Variants in STK10 observed in about 807,000 individuals in gnomAD.
STK10 encodes serine/threonine kinase 10.
In STK10, 78 loss-of-function variants were observed where a neutral mutation model predicts 113.8. The observed-to-expected ratio is 0.69, with a 90% CI of 0.57 to 0.83. The LOEUF (loss-of-function observed/expected upper bound fraction) is 0.83, where lower values mean the gene tolerates loss of function less well. Ranked by LOEUF, STK10 falls within the 40% of genes least tolerant of loss-of-function variation. STK10 has a pLI of 0.00. For synonymous variants in STK10, 465 were observed against 494.7 expected (o/e 0.94, Z 0.80); for missense variants, 1,109 against 1,280.1 (o/e 0.87, Z 2.04).
In STK10 at chr5:172,167,702, G is replaced by C. The variant is rs1450633052; in HGVS notation, c.157-10914C>G. 2.0e-5 allele frequency among the ~76,000 whole-genome samples: 3 copies of C among 152,170 alleles called. No individual in the cohort carries two copies. The East Asian group carries it at 5.8e-4, about 29-fold the overall frequency. ...CCGCACGTGGCTATTTAAATTAATA[G>C]ATATGAAGCAAAAATTTAGTTCCTC... On this transcript the variant is annotated intron_variant, in intron 1 of 18. Coordinates refer to ENST00000176763, the MANE Select transcript of STK10 (RefSeq NM_005990.4).
At position 172,127,397 on chromosome 5, in the gene STK10, C is replaced by T. The variant is rs1448196770; in HGVS notation, c.346G>A (p.Gly116Arg). The change falls in exon 3 of 19, where the codon GGA becomes AGA. Residue 116 changes from glycine to arginine, a missense_variant. By Grantham distance (125) the Gly-to-Arg change is moderately radical (BLOSUM62 -2). Transcript: ENST00000176763. The part of the protein sequence containing the change: ...LWIMIEFCPG[G>R]AVDAIMLELD... ...CCCAGCATGATGGCGTCCACGGCTC[C>T]CCCTGGACAGAACTCAATCATGATC... 1.2e-6 allele frequency: 2 copies of T among 1,613,906 alleles called. No homozygotes were observed. The highest frequency in any genetic ancestry group is 1.7e-6 in the Non-Finnish European group (2 of 1,179,862).
At chr5:172,060,524 C>A (rs1767909611) in intron 14 of STK10, among the ~76,000 whole-genome samples, 1 of 152,214 alleles carries the variant, frequency 6.6e-6, no homozygotes, top group South Asian at 2.1e-4. Context: ...GAGAAGGTGC[C>A]ATCTATGAAG....
At chr5:172,075,175 GAA>G (rs76527234) in intron 12 of STK10, among the ~76,000 whole-genome samples, 1 of 103,546 alleles carries the variant, frequency 9.7e-6, no homozygotes. Context: ...GTCAAAAAAA[GAA>G]AAAAAAAAAA....
chr5:172,151,726 G>C (rs1561827637), intron 2 of STK10, among the ~76,000 whole-genome samples: 1 of 152,228 alleles, frequency 6.6e-6, no homozygotes, highest in African/African-American at 2.4e-5. Flanking sequence ...ATGTAGACTG[G>C]AGGCTCCATG....
intron 4 of STK10, among the ~76,000 whole-genome samples, chr5:172,116,497 G>C (rs906613066): frequency 1.3e-5 from 2 of 152,230 alleles, no homozygotes; most frequent in Non-Finnish European, 2.9e-5. Context: ...GGAGACACGT[G>C]AGGGGATGAC....
intron 4 of STK10, among the ~76,000 whole-genome samples, chr5:172,116,184 G>A (rs1240679328): frequency 2.6e-5 from 4 of 152,154 alleles, no homozygotes; most frequent in African/African-American, 9.7e-5. Context: ...GGGTTCAAGC[G>A]ATTCTCCTGT....
At chr5:172,099,721 C>G (rs562426792) in intron 7 of STK10, among the ~76,000 whole-genome samples, 30 of 152,134 alleles carry the variant, frequency 2.0e-4, no homozygotes, top group Non-Finnish European at 3.1e-4. Flanking sequence ...CCACACTGCG[C>G]AATCTAACAC....
chr5:172,054,428 G>T, intron 17 of STK10, 141 bp downstream of exon 17: 1 of 1,268,044 alleles, frequency 7.9e-7, no homozygotes, highest in Non-Finnish European at 1.1e-6. Flanking sequence ...AGAGCAGCAT[G>T]GCAGGGCTGG....
At chr5:172,119,751 C>A (rs569784964) in intron 3 of STK10, among the ~76,000 whole-genome samples, 1 of 145,374 alleles carries the variant, frequency 6.9e-6, no homozygotes, top group Non-Finnish European at 1.5e-5. Context: ...GTAGTCCCAG[C>A]TACTCGGGAG....
intron 4 of STK10, among the ~76,000 whole-genome samples, chr5:172,108,576 A>T (rs1416870820): frequency 6.7e-6 from 1 of 148,836 alleles, no homozygotes; most frequent in Non-Finnish European, 1.5e-5. Context: ...CAATCGCACC[A>T]CTGCGCTCCA....
At chr5:172,075,328 A>G (rs10077854) in intron 12 of STK10, among the ~76,000 whole-genome samples, 32,121 of 152,094 alleles carry the variant, frequency 0.21, 4,420 homozygotes, top group African/African-American at 0.39. Flanking sequence ...CAGTAGTAAG[A>G]AAAATCACCC....
intron 12 of STK10, 114 bp from the exon 13 acceptor site, chr5:172,064,926 T>C: frequency 8.4e-7 from 1 of 1,186,802 alleles, no homozygotes; most frequent in Non-Finnish European, 1.2e-6. Context: ...GGCTCAGCTT[T>C]GCAGCGGCCA....
chr5:172,066,780 C>T (rs531877017), intron 12 of STK10, among the ~76,000 whole-genome samples: 1 of 152,192 alleles, frequency 6.6e-6, no homozygotes, highest in African/African-American at 2.4e-5. Context: ...GAGCGAGACT[C>T]CGTCTCAAAA....
chr5:172,057,506 G>T (rs944076856), intron 14 of STK10, 33 bp from the exon 15 acceptor site: 172 of 1,537,164 alleles, frequency 1.1e-4, no homozygotes, highest in Non-Finnish European at 1.5e-4. Context: ...CTGGTGAGGT[G>T]CTGACAACCA....
At chr5:172,056,954 G>GAAA (rs1767795788) in intron 15 of STK10, 3 of 78,966 alleles carry the variant, frequency 3.8e-5, no homozygotes, top group African/African-American at 2.0e-4. Flanking sequence ...AAAGAAAGAA[G>GAAA]GAAAGAAAGA....
At chr5:172,107,678 T>TGCCCACAGGCTGAACGGGC in intron 5 of STK10, 102 bp downstream of exon 5, 1 of 1,075,814 alleles carries the variant, frequency 9.3e-7, no homozygotes. Flanking sequence ...GCAGGGCGTG[T>TGCCCACAGGCTGAACGGGC]AGCCCTTGTC....
chr5:172,129,360 C>T (rs1318411304), intron 2 of STK10, among the ~76,000 whole-genome samples: 2 of 152,176 alleles, frequency 1.3e-5, no homozygotes, highest in Non-Finnish European at 2.9e-5. Context: ...ACACCACTCC[C>T]TGCTGAGGAG....
chr5:172,114,473 A>ATATATATATATT (rs1226289994), intron 4 of STK10: 1 of 47,538 alleles, frequency 2.1e-5, no homozygotes, highest in African/African-American at 1.4e-4. Context: ...ATATATATAT[A>ATATATATATATT]TTTTTTTTTT....
chr5:172,119,817 T>G (rs1769468311), intron 3 of STK10, among the ~76,000 whole-genome samples: 1 of 150,090 alleles, frequency 6.7e-6, no homozygotes, highest in Non-Finnish European at 1.5e-5. Flanking sequence ...TGAGCGGAGA[T>G]CACGCCACTG....
Sources: allele counts gnomAD v4.1 joint callset (sites outside exome capture counted in the v4.1 genomes callset), GRCh38; gene constraint gnomAD v4.1.1; transcripts MANE v1.5; gene names NCBI Gene and HGNC (gene_info 2026-07-23, HGNC 2026-07-21).